The following KIF16B variants were observed in gnomAD, a reference collection of about 807,000 sequenced individuals.
The protein encoded by KIF16B is kinesin-like protein KIF16B.
Under a neutral mutation model 156.3 loss-of-function variants are expected in KIF16B, and 98 were observed. The ratio of observed to expected loss-of-function variants is 0.63; its 90% CI spans 0.53 to 0.74. KIF16B has a LOEUF of 0.74. Among genes scored for constraint, KIF16B ranks in the 30% least tolerant of loss-of-function variants. The probability of loss-of-function intolerance (pLI) is 0.00; values close to 1 mark genes in which losing one functional copy is unlikely to be tolerated. For synonymous variants in KIF16B, 564 were observed against 583.7 expected (o/e 0.97, Z 0.49); for missense variants, 1,421 against 1,606.5 (o/e 0.88, Z 1.97).
chr20:16,408,320 T>C (rs1264225870), intron 15 of KIF16B, among the ~76,000 whole-genome samples: 1 of 152,182 alleles, frequency 6.6e-6, no homozygotes, highest in African/African-American at 2.4e-5. Context: ...TATTATCCAC[T>C]CTACAATTTG....
Position 16,396,746 on chromosome 20 carries a change from C to T in KIF16B, c.1784+8067G>A, listed in dbSNP as rs574089806. 5.9e-5 allele frequency among the ~76,000 whole-genome samples: 9 copies of T among 151,482 alleles called. No individual in the cohort carries two copies. The South Asian group carries it at 6.3e-4, about 11-fold the overall frequency. On this transcript the variant is annotated intron_variant, in intron 17 of 25. Coordinates refer to ENST00000354981, the MANE Select transcript of KIF16B (RefSeq NM_024704.5). The stretch of plus-strand genomic sequence containing the variant: ...AGTATCACTCATTCGTCTTCTTCCC[C>T]GATTGTCGGTGACTTCAGACCAACC...
intron 18 of KIF16B, among the ~76,000 whole-genome samples, chr20:16,381,212 C>A (rs951874702): frequency 6.6e-6 from 1 of 152,010 alleles, no homozygotes; most frequent in African/African-American, 2.4e-5. Context: ...CCCCCATACA[C>A]AAAAGAAAAG....
intron 14 of KIF16B, among the ~76,000 whole-genome samples, chr20:16,428,682 C>T (rs574985551): frequency 2.0e-5 from 3 of 152,166 alleles, no homozygotes; most frequent in South Asian, 4.1e-4. Flanking sequence ...TCCTCAAAGA[C>T]CTGACAAGGA....
chr20:16,507,822 A>G, intron 7 of KIF16B, 136 bp downstream of exon 7: 10 of 869,604 alleles, frequency 1.1e-5, no homozygotes, highest in African/African-American at 1.7e-5. Context: ...GTTCAACTCT[A>G]ATTAACAAGA....
intron 1 of KIF16B, among the ~76,000 whole-genome samples, chr20:16,541,044 G>C (rs147977021): frequency 6.6e-6 from 1 of 152,086 alleles, no homozygotes; most frequent in Admixed American, 6.5e-5. Flanking sequence ...AGCTCCATAA[G>C]TTTGTGTCAC....
At chr20:16,505,266 T>C (rs1346948743) in intron 9 of KIF16B, among the ~76,000 whole-genome samples, 1 of 152,240 alleles carries the variant, frequency 6.6e-6, no homozygotes, top group African/African-American at 2.4e-5. Context: ...CTTCTTTCAA[T>C]TATTGGCTGA....
At chr20:16,473,211 G>T (rs1334472245) in intron 12 of KIF16B, among the ~76,000 whole-genome samples, 1 of 152,168 alleles carries the variant, frequency 6.6e-6, no homozygotes, top group Non-Finnish European at 1.5e-5. Context: ...GGAGCAAGCA[G>T]GCCCCTCTAC....
chr20:16,461,024 A>G (rs1238617589), intron 12 of KIF16B, among the ~76,000 whole-genome samples: 1 of 152,090 alleles, frequency 6.6e-6, no homozygotes, highest in Non-Finnish European at 1.5e-5. Flanking sequence ...GAAAATGTAT[A>G]GCCTTAAGAA....
At position 16,385,881 on chromosome 20, in the gene KIF16B, T is replaced by A. The variant is rs372564063; in HGVS notation, c.1785-4134A>T. 6.6e-5 allele frequency among the ~76,000 whole-genome samples: 10 copies of A among 152,312 alleles called. No individual in the cohort carries two copies. The East Asian group carries it at 1.3e-3, about 21-fold the overall frequency. On this transcript the variant is annotated intron_variant, in intron 17 of 25. Transcript: ENST00000354981. ...GAGGTCACTGTTCCCATTTCACACATGAGAAATGGCAATGTTACTAGTAAC... is the reference window on the plus strand; with the variant it reads ...GAGGTCACTGTTCCCATTTCACACAAGAGAAATGGCAATGTTACTAGTAAC...
intron 8 of KIF16B, 27 bp downstream of exon 8, chr20:16,505,995 G>A: frequency 6.2e-7 from 1 of 1,612,786 alleles, no homozygotes. Context: ...AGGAAACAGA[G>A]GAGGCAGGAG....
intron 19 of KIF16B, among the ~76,000 whole-genome samples, chr20:16,378,157 G>A (rs923591843): frequency 1.3e-5 from 2 of 152,142 alleles, no homozygotes; most frequent in Non-Finnish European, 2.9e-5. Context: ...CATGAACCCA[G>A]GGATGATACT....
chr20:16,437,588 T>C (rs1319359468), intron 12 of KIF16B, among the ~76,000 whole-genome samples: 1 of 146,512 alleles, frequency 6.8e-6, no homozygotes, highest in Non-Finnish European at 1.5e-5. Context: ...TTGATGGACA[T>C]TAAGTAAAGA....
At chr20:16,419,357 C>T (rs549676979) in intron 15 of KIF16B, among the ~76,000 whole-genome samples, 4 of 152,232 alleles carry the variant, frequency 2.6e-5, no homozygotes, top group East Asian at 3.9e-4. Context: ...CCTCTGTTAA[C>T]GGGATACCTT....
chr20:16,393,964 A>C (rs1159584187), intron 17 of KIF16B, among the ~76,000 whole-genome samples: 1 of 152,248 alleles, frequency 6.6e-6, no homozygotes, highest in African/African-American at 2.4e-5. Flanking sequence ...TGACTGAATT[A>C]GCAACATGTT....
At chr20:16,381,971 T>A (rs2065106931) in intron 17 of KIF16B, 1 of 832,258 alleles carries the variant, frequency 1.2e-6, no homozygotes, top group Non-Finnish European at 1.8e-6. Context: ...AGAACAGATT[T>A]TACTTGAAGG....
At chr20:16,469,472 A>G (rs1350303216) in intron 12 of KIF16B, among the ~76,000 whole-genome samples, 2 of 151,972 alleles carry the variant, frequency 1.3e-5, no homozygotes, top group Non-Finnish European at 2.9e-5. Flanking sequence ...CAAAATTTGC[A>G]TAATGCAGTA....
At chr20:16,406,914 C>T (rs940473146) in intron 15 of KIF16B, among the ~76,000 whole-genome samples, 7 of 152,122 alleles carry the variant, frequency 4.6e-5, no homozygotes, top group Admixed American at 1.3e-4. Context: ...ATGGAATTGG[C>T]ATAATATAGG....
intron 15 of KIF16B, among the ~76,000 whole-genome samples, chr20:16,408,917 C>T (rs948517430): frequency 6.6e-6 from 1 of 152,098 alleles, no homozygotes; most frequent in African/African-American, 2.4e-5. Flanking sequence ...TGCCACTGTT[C>T]ATTCAGCAAA....
intron 12 of KIF16B, among the ~76,000 whole-genome samples, chr20:16,489,880 CG>C (rs2068234910): frequency 6.6e-6 from 1 of 152,050 alleles, no homozygotes; most frequent in Non-Finnish European, 1.5e-5. Flanking sequence ...AAGGATCTAA[CG>C]GATCCAAATG....
Sources: gnomAD v4.1 joint callset for allele counts (sites outside exome capture counted in the v4.1 genomes callset) on GRCh38, gnomAD v4.1.1 for gene constraint, MANE v1.5 for transcripts, NCBI Gene and HGNC (gene_info 2026-07-23, HGNC 2026-07-21) for gene names.